Variants in IL1RAPL2 observed in about 807,000 individuals in gnomAD.
IL1RAPL2 encodes interleukin 1 receptor accessory protein like 2.
Under a neutral mutation model 44.1 loss-of-function variants are expected in IL1RAPL2, and 3 were observed. The ratio of observed to expected loss-of-function variants is 0.07; its 90% CI spans 0.03 to 0.18. The LOEUF (loss-of-function observed/expected upper bound fraction) is 0.18, where lower values mean the gene tolerates loss of function less well. Among genes scored for constraint, IL1RAPL2 ranks in the 10% least tolerant of loss-of-function variants. The pLI, the probability that IL1RAPL2 is intolerant of heterozygous loss-of-function variation, is 1.00. For missense variants in IL1RAPL2, 391 were observed against 496.4 expected (o/e 0.79, Z 2.02); for synonymous variants, 181 against 178.8 (o/e 1.01, Z -0.10).
intron 1 of IL1RAPL2, among the ~76,000 whole-genome samples, chrX:104,637,575 A>G (rs897098755): frequency 9.1e-6 from 1 of 109,845 alleles, no homozygotes; most frequent in African/African-American, 3.3e-5. Flanking sequence ...ATCTATTGAG[A>G]TGATTGTATG....
In IL1RAPL2 at chrX:105,520,976, G is replaced by A. The variant is rs374441066; in HGVS notation, c.772+36589G>A. On this transcript the variant is annotated intron_variant, in intron 6 of 10. Coordinates refer to ENST00000372582, the MANE Select transcript of IL1RAPL2 (RefSeq NM_017416.2). ...TTGTGAGACAGAGTCTTGCTATGGC[G>A]CCCAGGCTGGAGTGCAGTGCCGCGA... Among the ~76,000 whole-genome samples, 51 of 78,809 alleles carry A rather than the reference G, an allele frequency of 6.5e-4. 4 individuals carry two copies. In the East Asian group the frequency reaches 8.1e-3, roughly 13 times the overall value. The allele number at this position is 78,809 out of a possible 115,157, so 68.4% of individuals were successfully genotyped here. A position where few individuals can be genotyped will look rare whatever the true frequency, so the allele number is the denominator to read the frequency against.
At chrX:104,743,826 G>A (rs749138387) in intron 2 of IL1RAPL2, among the ~76,000 whole-genome samples, 2 of 111,235 alleles carry the variant, frequency 1.8e-5, no homozygotes, top group Non-Finnish European at 3.8e-5. Flanking sequence ...CAATGGCACC[G>A]TCTTGTTTGC....
chrX:104,748,405 A>G (rs1932208282), intron 2 of IL1RAPL2, among the ~76,000 whole-genome samples: 2 of 112,025 alleles, frequency 1.8e-5, no homozygotes, highest in South Asian at 7.5e-4. Flanking sequence ...CAATTCTAAA[A>G]TTTGGCCTAC....
At chrX:104,887,822 G>A (rs932597773) in intron 2 of IL1RAPL2, among the ~76,000 whole-genome samples, 7 of 111,680 alleles carry the variant, frequency 6.3e-5, no homozygotes, top group Non-Finnish European at 5.6e-5. Flanking sequence ...TGGAGAATGG[G>A]ATATTAAGGG....
intron 2 of IL1RAPL2, among the ~76,000 whole-genome samples, chrX:104,682,164 A>G (rs1313215939): frequency 8.9e-6 from 1 of 112,032 alleles, no homozygotes; most frequent in African/African-American, 3.2e-5. Context: ...ATACATTTGC[A>G]CCCATATCTT....
Position 104,690,078 on chromosome X carries a change from T to C in IL1RAPL2, c.82+31083T>C, listed in dbSNP as rs765692996. On this transcript the variant is annotated intron_variant, in intron 2 of 10. Coordinates refer to ENST00000372582, the MANE Select transcript of IL1RAPL2 (RefSeq NM_017416.2). Reference sequence around the variant, plus strand: ...AATATATGGTTTTCAAATTTCTACATAGATAATGGATTATGAGCAACACAA... The same window carrying C: ...AATATATGGTTTTCAAATTTCTACACAGATAATGGATTATGAGCAACACAA... 2.3e-4 allele frequency among the ~76,000 whole-genome samples: 26 copies of C among 112,168 alleles called. 1 individual carries two copies. The highest frequency in any genetic ancestry group is 8.1e-4 in the African/African-American group (25 of 30,970).
rs1170335444 is a variant in IL1RAPL2, at chrX:105,424,515, A to G, written c.698-59798A>G. Among the ~76,000 whole-genome samples the G allele has an allele frequency of 2.7e-5, 3 of 110,081 alleles. No homozygotes were observed. In the East Asian group the frequency reaches 8.7e-4, roughly 32 times the overall value. On this transcript the variant is annotated intron_variant, in intron 5 of 10. Transcript: ENST00000372582. The stretch of plus-strand genomic sequence containing the variant: ...TTTAGCTTAGTGATTTTGGGGCCCC[A>G]AGATTTATTTTCCTTTCGCAGTACT...
At chrX:105,755,442 G>GT in intron 10 of IL1RAPL2, 95 bp downstream of exon 10, 1 of 614,613 alleles carries the variant, frequency 1.6e-6, no homozygotes, top group Non-Finnish European at 2.4e-6. Context: ...TTAGACAGTT[G>GT]TTTCTCACAG....
intron 2 of IL1RAPL2, among the ~76,000 whole-genome samples, chrX:104,829,622 C>T (rs185876765): frequency 1.8e-4 from 20 of 112,519 alleles, no homozygotes; most frequent in African/African-American, 5.2e-4. Flanking sequence ...CTGATTCAAC[C>T]TTTGTCCATT....
Position 105,557,499 on chromosome X carries a change from T to A in IL1RAPL2, c.772+73112T>A, listed in dbSNP as rs2036904646. ...TGAAAGCAAGTTCTTGATACTTATG[T>A]CTCCATTAATTCAAAAATTATGTCT... On this transcript the variant is annotated intron_variant, in intron 6 of 10. Coordinates refer to ENST00000372582, the MANE Select transcript of IL1RAPL2 (RefSeq NM_017416.2). Among the ~76,000 whole-genome samples, 2 of 111,967 alleles carry A rather than the reference T, an allele frequency of 1.8e-5. 1 individual carries two copies. Among genetic ancestry groups the A allele is most frequent in the Admixed American group, 1.9e-4 (2 of 10,523 alleles).
At chrX:104,968,423 G>T (rs2030167483) in intron 2 of IL1RAPL2, among the ~76,000 whole-genome samples, 1 of 111,813 alleles carries the variant, frequency 8.9e-6, no homozygotes, top group Admixed American at 9.5e-5. Context: ...ATAATCTGTT[G>T]CAATCATCAT....
In IL1RAPL2 at chrX:105,375,450, G is replaced by T. The variant is rs777901758; in HGVS notation, c.697+107909G>T. ...CACTTGAATCTGGGAGGCGGAGGTT[G>T]CAGTGAGCCGAGATTGCGCCACTGC... is the stretch of plus-strand genomic sequence containing the variant. On this transcript the variant is annotated intron_variant, in intron 5 of 10. Coordinates refer to ENST00000372582, the MANE Select transcript of IL1RAPL2 (RefSeq NM_017416.2). Among the ~76,000 whole-genome samples the T allele has an allele frequency of 4.2e-3, 466 of 111,805 alleles. 3 individuals carry two copies. The highest frequency in any genetic ancestry group is 0.014 in the African/African-American group (444 of 30,749).
intron 5 of IL1RAPL2, among the ~76,000 whole-genome samples, chrX:105,388,356 A>ATTTTTTTTTTTTT (rs772573698): frequency 1.6e-5 from 1 of 61,269 alleles, no homozygotes; most frequent in African/African-American, 1.0e-4. Context: ...ACCAAAGCAG[A>ATTTTTTTTTTTTT]TTTTTTTTTT....
chrX:105,274,407 A>G (rs1363376690), intron 5 of IL1RAPL2, among the ~76,000 whole-genome samples: 2 of 112,489 alleles, frequency 1.8e-5, no homozygotes, highest in Non-Finnish European at 3.7e-5. Flanking sequence ...ATGATAATTT[A>G]TATTGAGAAT....
At chrX:104,761,923 CCTTCTTCTTCTT>C (rs759437149) in intron 2 of IL1RAPL2, among the ~76,000 whole-genome samples, 509 of 30,711 alleles carry the variant, frequency 0.017, 32 homozygotes, top group South Asian at 0.021. Flanking sequence ...TTCTCCTTCT[CCTTCTTCTTCTT>C]CTTCTTCTTC....
intron 2 of IL1RAPL2, among the ~76,000 whole-genome samples, chrX:104,985,409 A>G (rs5917188): frequency 0.49 from 54,363 of 110,791 alleles, 9,878 homozygotes; most frequent in African/African-American, 0.62. Context: ...ATTTTAAATA[A>G]ATATGAGTGT....
At chrX:104,882,453 T>C (rs1036788045) in intron 2 of IL1RAPL2, among the ~76,000 whole-genome samples, 1 of 112,101 alleles carries the variant, frequency 8.9e-6, no homozygotes, top group Middle Eastern at 4.7e-3. Flanking sequence ...TCAACATCCA[T>C]GGTAATGAGA....
At chrX:104,839,763 G>A (rs1004798392) in intron 2 of IL1RAPL2, among the ~76,000 whole-genome samples, 7 of 111,573 alleles carry the variant, frequency 6.3e-5, no homozygotes, top group African/African-American at 9.8e-5. Context: ...CTCAATTTCC[G>A]AACTTGTTAT....
At chrX:105,016,133 G>A (rs931406020) in intron 2 of IL1RAPL2, among the ~76,000 whole-genome samples, 5 of 111,232 alleles carry the variant, frequency 4.5e-5, no homozygotes, top group East Asian at 2.9e-4. Flanking sequence ...TTGGTGTATA[G>A]GAATGCTTGT....
Sources: gnomAD v4.1 joint callset for allele counts (sites outside exome capture counted in the v4.1 genomes callset) on GRCh38, gnomAD v4.1.1 for gene constraint, MANE v1.5 for transcripts, NCBI Gene and HGNC (gene_info 2026-07-23, HGNC 2026-07-21) for gene names.